TENM1: variants seen among roughly 807,000 people sequenced by gnomAD.
The protein encoded by TENM1 is teneurin-1.
In TENM1, 35 loss-of-function variants were observed where a neutral mutation model predicts 174.8. The ratio of observed to expected loss-of-function variants is 0.20; its 90% CI spans 0.15 to 0.27. The LOEUF is 0.27. Ranked by LOEUF, TENM1 falls within the 10% of genes least tolerant of loss-of-function variation. The pLI, the probability that TENM1 is intolerant of heterozygous loss-of-function variation, is 1.00. For missense variants in TENM1, 1,633 were observed against 2,130.1 expected, an observed-to-expected ratio of 0.77 and a Z score of 4.59; for synonymous variants, 781 against 798.7, an observed-to-expected ratio of 0.98 and a Z score of 0.37.
intron 25 of TENM1, 51 bp from the exon 29 acceptor site, chrX:124,406,540 G>A (rs2060464754): frequency 1.1e-6 from 1 of 901,459 alleles, no homozygotes; most frequent in Non-Finnish European, 1.5e-6. Context: ...AGTGATAACA[G>A]GACTTTGCAA....
intron 6 of TENM1, among the ~76,000 whole-genome samples, chrX:124,655,740 C>T: frequency 8.9e-6 from 1 of 112,250 alleles, no homozygotes; most frequent in East Asian, 2.8e-4. Context: ...ATTTCAAATG[C>T]AATTTTGTAC....
intron 22 of TENM1, among the ~76,000 whole-genome samples, chrX:124,472,914 T>C (rs1343807404): frequency 8.9e-6 from 1 of 111,849 alleles, no homozygotes; most frequent in East Asian, 2.8e-4. Context: ...GGTGGACTAA[T>C]ATGGAGCCAT....
intron 3 of TENM1, among the ~76,000 whole-genome samples, chrX:124,764,539 T>C (rs754282006): frequency 9.0e-6 from 1 of 111,159 alleles, no homozygotes; most frequent in Non-Finnish European, 1.9e-5. Context: ...GAGTTTCTTA[T>C]TTTATCAATC....
At chrX:124,846,320 C>CA (rs1193903355) in intron 3 of TENM1, among the ~76,000 whole-genome samples, 4 of 110,069 alleles carry the variant, frequency 3.6e-5, no homozygotes, top group African/African-American at 6.6e-5. Context: ...AGCTGAACCG[C>CA]AAAAAAACTG....
At chrX:124,672,576 C>G (rs888515996) in intron 5 of TENM1, among the ~76,000 whole-genome samples, 1 of 111,495 alleles carries the variant, frequency 9.0e-6, no homozygotes, top group Admixed American at 9.6e-5. Context: ...ACCCTTTGAG[C>G]TAACAATTTA....
chrX:125,014,052 T>C, the TENM1 span, among the ~76,000 whole-genome samples: 15 of 111,645 alleles, frequency 1.3e-4, no homozygotes, highest in African/African-American at 4.9e-4. Flanking sequence ...AACCTAATAG[T>C]TCATATATCA....
chrX:125,051,553 A>C, the TENM1 span, among the ~76,000 whole-genome samples: 1 of 110,313 alleles, frequency 9.1e-6, no homozygotes, highest in Non-Finnish European at 1.9e-5. Context: ...ATCTACAACC[A>C]CCTGATCTTT....
intron 6 of TENM1, among the ~76,000 whole-genome samples, chrX:124,659,911 A>T (rs1168692898): frequency 9.0e-6 from 1 of 111,495 alleles, no homozygotes; most frequent in East Asian, 2.8e-4. Context: ...ATACTGGAAC[A>T]ACTGGATATC....
chrX:124,773,183 A>G (rs763441122), intron 3 of TENM1, among the ~76,000 whole-genome samples: 2 of 111,812 alleles, frequency 1.8e-5, no homozygotes, highest in African/African-American at 6.5e-5. Flanking sequence ...TATCTGCCTA[A>G]GCATGCCTGT....
chrX:124,917,112 T>C (rs2057938642), intron 1 of TENM1, among the ~76,000 whole-genome samples: 1 of 111,589 alleles, frequency 9.0e-6, no homozygotes, highest in Admixed American at 9.5e-5. Flanking sequence ...AGAGGATCTC[T>C]TTCCTTTTAG....
chrX:124,509,092 A>ACAAAC lies in TENM1; in HGVS notation c.3302-5390_3302-5389insGTTTG, dbSNP rs2047520093. On this transcript the variant is annotated intron_variant, in intron 18 of 31. Coordinates refer to ENST00000422452, the Ensembl canonical transcript of TENM1. ...AACAAATAACACACACACACACACA[A>ACAAAC]ACACACACACACACACACAAACACA... 2.1e-4 allele frequency among the ~76,000 whole-genome samples: 19 copies of ACAAAC among 90,373 alleles called. No homozygotes were observed. In the South Asian group the frequency reaches 9.8e-3, roughly 46 times the overall value. The allele number at this position is 90,373 out of a possible 115,157, so 78.5% of individuals were successfully genotyped here. A position where few individuals can be genotyped will look rare whatever the true frequency, so the allele number is the denominator to read the frequency against.
chrX:124,657,439 T>C (rs749947237), intron 6 of TENM1, among the ~76,000 whole-genome samples: 9 of 110,593 alleles, frequency 8.1e-5, no homozygotes, highest in African/African-American at 2.3e-4. Context: ...GTCAAGATAC[T>C]TGGAAGGTGA....
chrX:124,637,165 C>T (rs1049232383), intron 11 of TENM1, among the ~76,000 whole-genome samples: 3 of 108,524 alleles, frequency 2.8e-5, no homozygotes, highest in African/African-American at 1.0e-4. Flanking sequence ...TCTCAGCTCA[C>T]TGCAACCTCC....
chrX:124,849,810 T>C (rs770910997), intron 3 of TENM1, among the ~76,000 whole-genome samples: 2 of 112,275 alleles, frequency 1.8e-5, no homozygotes, highest in East Asian at 5.6e-4. Context: ...CTTGTTCTAA[T>C]ATTCTGTCTG....
intron 4 of TENM1, among the ~76,000 whole-genome samples, chrX:124,713,740 A>G (rs1049711091): frequency 1.8e-5 from 2 of 112,240 alleles, no homozygotes; most frequent in African/African-American, 6.5e-5. Flanking sequence ...CGATGAATAC[A>G]TATTGATTTG....
chrX:124,962,321 C>G (rs2147814954), intron 1 of TENM1, among the ~76,000 whole-genome samples: 1 of 111,357 alleles, frequency 9.0e-6, no homozygotes, highest in African/African-American at 3.3e-5. Flanking sequence ...GAGCAGGAAT[C>G]AGAATCCCCT....
At chrX:125,066,553 G>A in the TENM1 span, among the ~76,000 whole-genome samples, 1 of 111,403 alleles carries the variant, frequency 9.0e-6, no homozygotes, top group Non-Finnish European at 1.9e-5. Flanking sequence ...CATTTTCTCT[G>A]GGTCTCAATT....
At chrX:125,072,661 A>T in the TENM1 span, among the ~76,000 whole-genome samples, 1 of 111,390 alleles carries the variant, frequency 9.0e-6, no homozygotes, top group Admixed American at 9.6e-5. Flanking sequence ...ACATGTATAC[A>T]TATGTAACAA....
At chrX:125,109,441 C>T in the TENM1 span, among the ~76,000 whole-genome samples, 10 of 110,242 alleles carry the variant, frequency 9.1e-5, no homozygotes, top group African/African-American at 3.3e-4. Flanking sequence ...TAAACGTGTG[C>T]CATGGTGCTT....
Sources: allele counts gnomAD v4.1 joint callset (sites outside exome capture counted in the v4.1 genomes callset), GRCh38; gene constraint gnomAD v4.1.1; transcripts MANE v1.5; gene names NCBI Gene and HGNC (gene_info 2026-07-23, HGNC 2026-07-21).